TRAPPC9: variants seen among roughly 807,000 people sequenced by gnomAD.
TRAPPC9 encodes IKK2 binding protein.
A neutral mutation model predicts 124.0 loss-of-function variants in TRAPPC9; 83 were observed. The ratio of observed to expected loss-of-function variants is 0.67; its 90% CI spans 0.56 to 0.80. TRAPPC9 has a LOEUF of 0.80. Among genes scored for constraint, TRAPPC9 ranks in the 30% least tolerant of loss-of-function variants. The probability of loss-of-function intolerance (pLI) is 0.00; values close to 1 mark genes in which losing one functional copy is unlikely to be tolerated. For missense variants in TRAPPC9, 1,302 were observed against 1,508.3 expected, an observed-to-expected ratio of 0.86 and a Z score of 2.27; for synonymous variants, 638 against 617.5, an observed-to-expected ratio of 1.03 and a Z score of -0.49.
intron 21 of TRAPPC9, among the ~76,000 whole-genome samples, chr8:139,831,135 A>T (rs1825966070): frequency 6.6e-6 from 1 of 152,202 alleles, no homozygotes; most frequent in African/African-American, 2.4e-5. Context: ...AGGGCTGGGA[A>T]TTGAACCCAG....
intron 18 of TRAPPC9, among the ~76,000 whole-genome samples, chr8:140,005,647 G>A (rs991169934): frequency 1.3e-5 from 2 of 152,078 alleles, no homozygotes; most frequent in African/African-American, 4.8e-5. Context: ...GGGAAGACAA[G>A]GGAGAAGGGC....
rs779858577 is a variant in TRAPPC9, at chr8:140,182,615, CAG to C, written c.2556+38842_2556+38843del. Among the ~76,000 whole-genome samples, 5 of 152,178 alleles carry C rather than the reference CAG, an allele frequency of 3.3e-5. No homozygotes were observed. The highest frequency in any genetic ancestry group is 7.4e-5 in the Non-Finnish European group (5 of 68,026). Reference sequence around the variant, plus strand: ...CCAAGTGTCCTCTCAACCTCTTGCTCAGAGTCTTTCCATTTCATTCTCCAATA... The same window carrying C: ...CCAAGTGTCCTCTCAACCTCTTGCTCAGTCTTTCCATTTCATTCTCCAATA... On this transcript the variant is annotated intron_variant, in intron 17 of 22. Coordinates refer to ENST00000438773, the MANE Select transcript of TRAPPC9 (RefSeq NM_001160372.4). The surrounding 1 kb of genome is among the most constrained non-coding windows in gnomAD (Gnocchi z 4.0).
At chr8:140,100,762 T>C (rs1227583685) in intron 17 of TRAPPC9, among the ~76,000 whole-genome samples, 1 of 152,182 alleles carries the variant, frequency 6.6e-6, no homozygotes, top group Non-Finnish European at 1.5e-5. Flanking sequence ...TTTGTGACTG[T>C]AATCTCACTC....
At chr8:140,242,965 A>C (rs1490054415) in intron 16 of TRAPPC9, among the ~76,000 whole-genome samples, 1 of 152,100 alleles carries the variant, frequency 6.6e-6, no homozygotes, top group African/African-American at 2.4e-5. Flanking sequence ...GGAAAGAGTA[A>C]GGAGTAGCCA....
rs139196657 is a variant in TRAPPC9 at position 139,919,781 on chromosome 8, C to T, written c.2811-9481G>A. On this transcript the variant is annotated intron_variant, in intron 19 of 22. Coordinates refer to ENST00000438773, the MANE Select transcript of TRAPPC9 (RefSeq NM_001160372.4). ...TGCCCCCCATGCTACCAGTGTGTGG[C>T]CCAGAGCAGGTGCGGAGGACCCCAT... Among the ~76,000 whole-genome samples the T allele has an allele frequency of 2.0e-4, 31 of 152,308 alleles. No individual in the cohort carries two copies. The East Asian group carries it at 4.4e-3, about 22-fold the overall frequency.
At chr8:139,773,062 T>G (rs1257482293) in intron 21 of TRAPPC9, among the ~76,000 whole-genome samples, 3 of 152,220 alleles carry the variant, frequency 2.0e-5, no homozygotes, top group Non-Finnish European at 2.9e-5. Context: ...AGGCCCACAG[T>G]TTGTGCCCTG....
At chr8:140,036,393 C>T (rs1840881385) in intron 17 of TRAPPC9, among the ~76,000 whole-genome samples, 1 of 152,014 alleles carries the variant, frequency 6.6e-6, no homozygotes, top group African/African-American at 2.4e-5. Flanking sequence ...CGCACACGTG[C>T]TGCCATTGAA....
intron 19 of TRAPPC9, among the ~76,000 whole-genome samples, chr8:139,916,978 C>T (rs192777339): frequency 5.3e-5 from 8 of 152,224 alleles, no homozygotes; most frequent in Admixed American, 3.3e-4. Flanking sequence ...CAAAGAAGTA[C>T]GATGCCAAGT....
chr8:140,028,473 G>C (rs545499923), intron 17 of TRAPPC9, among the ~76,000 whole-genome samples: 2 of 152,330 alleles, frequency 1.3e-5, no homozygotes, highest in African/African-American at 4.8e-5. Flanking sequence ...ACAGTCATGA[G>C]AGCCCCACAA....
At chr8:140,291,546 C>T (rs951918119) in intron 11 of TRAPPC9, among the ~76,000 whole-genome samples, 8 of 152,252 alleles carry the variant, frequency 5.3e-5, no homozygotes, top group African/African-American at 7.2e-5. Context: ...TGTGCAGGGG[C>T]AGAATTCTGA....
intron 14 of TRAPPC9, among the ~76,000 whole-genome samples, chr8:140,282,918 T>C (rs2131705090): frequency 6.6e-6 from 1 of 152,230 alleles, no homozygotes; most frequent in South Asian, 2.1e-4. Context: ...AAAAAACAAA[T>C]AAACAAGATC....
At chr8:140,112,974 G>A (rs2130523351) in intron 17 of TRAPPC9, among the ~76,000 whole-genome samples, 1 of 151,756 alleles carries the variant, frequency 6.6e-6, no homozygotes, top group Non-Finnish European at 1.5e-5. Flanking sequence ...TGAGTAGCTG[G>A]GACTACAGGC....
intron 16 of TRAPPC9, among the ~76,000 whole-genome samples, chr8:140,247,688 T>G (rs1237305055): frequency 2.6e-5 from 4 of 152,236 alleles, no homozygotes; most frequent in African/African-American, 9.6e-5. Context: ...TATGCATGCA[T>G]GCATGTACGT....
chr8:139,848,397 A>T (rs368904453), intron 21 of TRAPPC9, among the ~76,000 whole-genome samples: 12 of 152,374 alleles, frequency 7.9e-5, no homozygotes, highest in East Asian at 3.9e-4. Flanking sequence ...TATCCAGTCT[A>T]GAGTGGCATA....
intron 18 of TRAPPC9, among the ~76,000 whole-genome samples, chr8:140,014,166 C>G (rs1462915314): frequency 6.6e-6 from 1 of 152,142 alleles, no homozygotes; most frequent in African/African-American, 2.4e-5. Flanking sequence ...TTACACCCCA[C>G]GCCCCGCTCA....
intron 19 of TRAPPC9, among the ~76,000 whole-genome samples, chr8:139,981,305 T>A (rs1587404974): frequency 6.6e-6 from 1 of 152,170 alleles, no homozygotes; most frequent in East Asian, 1.9e-4. Flanking sequence ...CGGGTCTCCA[T>A]CTCCCCGCAT....
At chr8:139,918,023 A>T (rs1832261359) in intron 19 of TRAPPC9, among the ~76,000 whole-genome samples, 1 of 152,164 alleles carries the variant, frequency 6.6e-6, no homozygotes, top group Non-Finnish European at 1.5e-5. Flanking sequence ...TCTTTGCTCC[A>T]TGTAGGGCTA....
chr8:139,987,312 G>A (rs1182372534), intron 19 of TRAPPC9, among the ~76,000 whole-genome samples: 1 of 152,078 alleles, frequency 6.6e-6, no homozygotes, highest in Non-Finnish European at 1.5e-5. Context: ...AATTTTACAG[G>A]ATAGCCCCAG....
rs182518121 is a variant in TRAPPC9 at position 140,236,907 on chromosome 8, C to T, written c.2432-15324G>A. Among the ~76,000 whole-genome samples, 22 of 152,218 alleles carry T rather than the reference C, an allele frequency of 1.4e-4. No individual in the cohort carries two copies. The East Asian group carries it at 3.9e-3, about 27-fold the overall frequency. On this transcript the variant is annotated intron_variant, in intron 16 of 22. Transcript: ENST00000438773. ...GATTCTAAAATTGATGTGGGCTGGG[C>T]GTGGTGGCTCATGCCTGTAATCCCA...
Sources: gnomAD v4.1 joint callset for allele counts (sites outside exome capture counted in the v4.1 genomes callset) on GRCh38, gnomAD v4.1.1 for gene constraint, Gnocchi (gnomAD v3.1) non-coding constraint, MANE v1.5 for transcripts, NCBI Gene and HGNC (gene_info 2026-07-23, HGNC 2026-07-21) for gene names.